ZBTB38: variants seen among roughly 807,000 people sequenced by gnomAD.
ZBTB38 encodes the protein zinc finger and BTB domain containing 38.
ZBTB38 carries 20 observed loss-of-function variants against 76.8 expected under a neutral mutation model. The ratio of observed to expected loss-of-function variants is 0.26; its 90% confidence interval spans 0.18 to 0.38. The LOEUF (loss-of-function observed/expected upper bound fraction) is 0.38, where lower values mean the gene tolerates loss of function less well. Among genes scored for constraint, ZBTB38 ranks in the 10% least tolerant of loss-of-function variants. ZBTB38 has a pLI of 1.00. For synonymous variants in ZBTB38, 504 were observed against 544.2 expected (o/e 0.93, Z 1.03); for missense variants, 1,082 against 1,482.3 (o/e 0.73, Z 4.43).
At chr3:141,398,022 C>A (rs1276825462) in intron 4 of ZBTB38, among the ~76,000 whole-genome samples, 2 of 152,238 alleles carry the variant, frequency 1.3e-5, no homozygotes, top group African/African-American at 4.8e-5. Flanking sequence ...GCAGTATCTA[C>A]AAACCCGATA....
chr3:141,394,177 A>C (rs1949753299), intron 4 of ZBTB38: 1 of 151,714 alleles, frequency 6.6e-6, no homozygotes, highest in Admixed American at 6.6e-5. Flanking sequence ...TGCCCATCTA[A>C]TTTTTGTATT....
chr3:141,362,593 C>T (rs1943853429), intron 1 of ZBTB38, among the ~76,000 whole-genome samples: 1 of 152,114 alleles, frequency 6.6e-6, no homozygotes, highest in Non-Finnish European at 1.5e-5. Flanking sequence ...TGCCCACTAA[C>T]AAGAGTTCTG....
rs10935429 is a variant in ZBTB38 at position 141,401,611 on chromosome 3, A to ATTT, written c.-105-2304_-105-2302dup. ...TAATCCTTTTAAGCTGTGGCCTTGA[A>ATTT]TTTTTTTTTTTTTTAAGAAAATTTA... On this transcript the variant is annotated intron_variant, in intron 4 of 5. Coordinates refer to ENST00000321464, the MANE Select transcript of ZBTB38 (RefSeq NM_001376113.1). Among the ~76,000 whole-genome samples, 8 of 146,636 alleles carry ATTT rather than the reference A, an allele frequency of 5.5e-5. No homozygotes were observed. The South Asian group carries it at 1.3e-3, about 23-fold the overall frequency.
chr3:141,351,537 C>T (rs1359697121), intron 1 of ZBTB38, among the ~76,000 whole-genome samples: 1 of 151,432 alleles, frequency 6.6e-6, no homozygotes, highest in Non-Finnish European at 1.5e-5. Flanking sequence ...CCAGACAGAT[C>T]CTATCTGGGC....
chr3:141,383,288 G>A (rs118108151), intron 3 of ZBTB38, among the ~76,000 whole-genome samples: 3,581 of 152,164 alleles, frequency 0.024, 68 homozygotes, highest in East Asian at 0.056. Flanking sequence ...GACTAAATAC[G>A]CTATAGACAG....
Position 141,413,009 on chromosome 3 carries a change from G to A in ZBTB38, c.-1+8978G>A, listed in dbSNP as rs1957183089. On this transcript the variant is annotated intron_variant, in intron 5 of 5. Coordinates refer to ENST00000321464, the MANE Select transcript of ZBTB38 (RefSeq NM_001376113.1). This position sits in a 1 kb window ranked among gnomAD's most constrained non-coding sequence, Gnocchi z 4.1. The stretch of plus-strand genomic sequence containing the variant: ...CAATCCTGTGCTGCCTTCGAGCTCT[G>A]TGCTGCCAGGCCTGGCCTCCCTCCA... Among the ~76,000 whole-genome samples the A allele has an allele frequency of 6.6e-6, 1 of 152,206 alleles. No homozygotes were observed. Among genetic ancestry groups the A allele is most frequent in the Non-Finnish European group, 1.5e-5 (1 of 68,044 alleles).
intron 5 of ZBTB38, among the ~76,000 whole-genome samples, chr3:141,411,369 T>C (rs959372505): frequency 5.9e-5 from 9 of 152,224 alleles, no homozygotes; most frequent in African/African-American, 2.2e-4. Context: ...TCTGGTCTTA[T>C]AGTCCCTGAC....
chr3:141,426,047 C>T, intron 5 of ZBTB38: 1 of 950,424 alleles, frequency 1.1e-6, no homozygotes, highest in Non-Finnish European at 1.5e-6. Context: ...GTGACTTCCT[C>T]CTGTCAAATG....
chr3:141,438,047 G>A (rs1214818335), intron 5 of ZBTB38, among the ~76,000 whole-genome samples: 2 of 151,804 alleles, frequency 1.3e-5, no homozygotes, highest in Non-Finnish European at 2.9e-5. Flanking sequence ...GAGTAGCTGG[G>A]ACTACAGGCG....
At chr3:141,422,098 A>G (rs1246806095) in intron 5 of ZBTB38, among the ~76,000 whole-genome samples, 1 of 152,232 alleles carries the variant, frequency 6.6e-6, no homozygotes, top group Non-Finnish European at 1.5e-5. Context: ...GCCTTGGGGC[A>G]TTCACTTTTA....
At chr3:141,364,166 C>T (rs1943892581), upstream of ZBTB38, among the ~76,000 whole-genome samples, 1 of 151,400 alleles carries the variant, frequency 6.6e-6, no homozygotes, top group South Asian at 2.1e-4. Context: ...GTGGCTCACG[C>T]CTGTAATCCC....
chr3:141,401,190 GGTTTTT>G (rs1251195327), intron 4 of ZBTB38, among the ~76,000 whole-genome samples: 5 of 152,048 alleles, frequency 3.3e-5, no homozygotes, highest in Non-Finnish European at 2.9e-5. Flanking sequence ...AAACATTGCA[GGTTTTT>G]GTTTTTGTTT....
chr3:141,351,245 A>G (rs551236215), intron 1 of ZBTB38, among the ~76,000 whole-genome samples: 18 of 152,276 alleles, frequency 1.2e-4, no homozygotes, highest in African/African-American at 4.1e-4. Context: ...CTTCATACTT[A>G]TCCTTTAAAT....
chr3:141,347,845 A>G lies in ZBTB38; in HGVS notation c.-738-20776A>G, dbSNP rs529859791. ...ATGGTTCCTTCAGTCCAGGATTGGG[A>G]GTGACTTCCTGCTGTCACTATTCTT... On this transcript the variant is annotated intron_variant, in intron 1 of 7. Transcript: ENST00000509842. Among the ~76,000 whole-genome samples the G allele has an allele frequency of 2.6e-5, 4 of 152,178 alleles. No individual in the cohort carries two copies. The South Asian group carries it at 8.3e-4, about 32-fold the overall frequency.
intron 5 of ZBTB38, among the ~76,000 whole-genome samples, chr3:141,409,668 C>T (rs943869139): frequency 1.3e-5 from 2 of 152,226 alleles, no homozygotes; most frequent in Non-Finnish European, 2.9e-5. Flanking sequence ...TCCTTATCTA[C>T]TGTCTGTGCT....
rs1463805906 is a variant in ZBTB38 at position 141,448,797 on chromosome 3, A to G, written c.*2821A>G. On this transcript the variant is annotated 3_prime_UTR_variant, in exon 6 of 6. Coordinates refer to ENST00000321464, the MANE Select transcript of ZBTB38 (RefSeq NM_001376113.1). ...TTTGTTTCCACGTATTATTCAGTTT[A>G]TTTCTGTTTCCTTACTTGTTTACAT... 5 of 152,134 alleles carry G rather than the reference A, an allele frequency of 3.3e-5. No individual in the cohort carries two copies. The highest frequency in any genetic ancestry group is 5.9e-5 in the Non-Finnish European group (4 of 68,008). 9.4% of individuals were successfully genotyped at this position (152,134 alleles called of 1,614,324 possible). A position where few individuals can be genotyped will look rare whatever the true frequency, so the allele number is the denominator to read the frequency against.
upstream of ZBTB38, chr3:141,368,453 C>T (rs1559923027): frequency 6.6e-6 from 1 of 152,056 alleles, no homozygotes. Context: ...CAGGCCTGGC[C>T]CTGACGTCAC....
chr3:141,428,076 C>T (rs749562359), intron 5 of ZBTB38, among the ~76,000 whole-genome samples: 1 of 152,204 alleles, frequency 6.6e-6, no homozygotes, highest in African/African-American at 2.4e-5. Context: ...AACTGCCACC[C>T]GGGATCAAGG....
chr3:141,359,540 G>T (rs1330167138), intron 1 of ZBTB38, among the ~76,000 whole-genome samples: 1 of 152,198 alleles, frequency 6.6e-6, no homozygotes, highest in Non-Finnish European at 1.5e-5. Context: ...GAAGATCCAG[G>T]ATAGTAGAGC....
Sources: allele counts gnomAD v4.1 joint callset (sites outside exome capture counted in the v4.1 genomes callset), GRCh38; gene constraint gnomAD v4.1.1; non-coding constraint Gnocchi (gnomAD v3.1); transcripts MANE v1.5; gene names NCBI Gene and HGNC (gene_info 2026-07-23, HGNC 2026-07-21).